STX8: variants seen among roughly 807,000 people sequenced by gnomAD.
The protein encoded by STX8 is syntaxin-8.
In STX8, 23 loss-of-function variants were observed where a neutral mutation model predicts 37.5. The observed-to-expected ratio is 0.61, with a 90% confidence interval of 0.44 to 0.87. The LOEUF (loss-of-function observed/expected upper bound fraction) is 0.87. Ranked by LOEUF, STX8 falls within the 40% of genes least tolerant of loss-of-function variation. The pLI, the probability that STX8 is intolerant of heterozygous loss-of-function variation, is 0.00. For synonymous variants in STX8, 115 were observed against 99.1 expected, an observed-to-expected ratio of 1.16 and a Z score of -0.95; for missense variants, 313 against 284.7, an observed-to-expected ratio of 1.10 and a Z score of -0.71.
intron 2 of STX8, among the ~76,000 whole-genome samples, chr17:9,567,551 G>C (rs932729725): frequency 1.3e-5 from 2 of 152,154 alleles, no homozygotes; most frequent in African/African-American, 4.8e-5. Context: ...AGGAAGAAAG[G>C]TGTGGTGTTA....
Position 9,491,928 on chromosome 17 carries a change from G to GA in STX8, c.449-8dup. On this transcript the variant is annotated splice_polypyrimidine_tract_variant and splice_region_variant and intron_variant, in intron 5 of 7. Coordinates refer to ENST00000306357, the MANE Select transcript of STX8 (RefSeq NM_004853.3). The stretch of plus-strand genomic sequence containing the variant: ...TCAAGGCCTGCGTCCTGTTCTGAAA[G>GA]AAAAAAGAAAAATAATTAACTAGAA... The GA allele has an allele frequency of 2.5e-6, 4 of 1,580,622 alleles. No homozygotes were observed. Among genetic ancestry groups the GA allele is most frequent in the East Asian group, 2.3e-5 (1 of 44,336 alleles).
At chr17:9,355,776 G>A (rs143749264) in intron 7 of STX8, among the ~76,000 whole-genome samples, 56 of 152,244 alleles carry the variant, frequency 3.7e-4, no homozygotes, top group African/African-American at 1.3e-3. Context: ...CCAAAGTGCT[G>A]GGATTACAGG....
rs8066281 is a variant in STX8, at chr17:9,385,109, G to C, written c.542-6456C>G. On this transcript the variant is annotated intron_variant, in intron 6 of 7. Coordinates refer to ENST00000306357, the MANE Select transcript of STX8 (RefSeq NM_004853.3). ...TAAAAAGACTATCCACAAAAGAAAA[G>C]AGATTGGTCAATCTGATTTAGCAAA... Among the ~76,000 whole-genome samples, 341 of 152,128 alleles carry C rather than the reference G, an allele frequency of 2.2e-3. 4 individuals carry two copies. The highest frequency in any genetic ancestry group is 7.4e-3 in the African/African-American group (308 of 41,510).
In STX8 at chr17:9,340,649, ATTTTTTTT is replaced by A. The variant is rs66679333; in HGVS notation, c.643+37895_643+37902del. ...CTGTTTCTTATCAATGTTGCACTTG[ATTTTTTTT>A]TTTTTTTTTTTTTTTTTGAGATGGA... On this transcript the variant is annotated intron_variant, in intron 7 of 7. Transcript: ENST00000306357. Among the ~76,000 whole-genome samples, 338 of 62,124 alleles carry A rather than the reference ATTTTTTTT, an allele frequency of 5.4e-3. 4 individuals are homozygous for A. Among genetic ancestry groups the A allele is most frequent in the Middle Eastern group, 0.054 (4 of 74 alleles). The allele number at this position is 62,124 out of a possible 152,430, so 40.8% of individuals were successfully genotyped here. A position where few individuals can be genotyped will look rare whatever the true frequency, so the allele number is the denominator to read the frequency against.
At chr17:9,474,950 C>T (rs12950118) in intron 6 of STX8, among the ~76,000 whole-genome samples, 31,711 of 151,936 alleles carry the variant, frequency 0.21, 3,475 homozygotes, top group Non-Finnish European at 0.25. Context: ...CCAGCCTGGG[C>T]GACAGAGCAA....
At chr17:9,544,124 A>G (rs1321138780) in intron 4 of STX8, among the ~76,000 whole-genome samples, 2 of 152,082 alleles carry the variant, frequency 1.3e-5, no homozygotes, top group Non-Finnish European at 2.9e-5. Context: ...GGGAAGCCAC[A>G]CTATTCCTAA....
In STX8 at chr17:9,575,788, T is replaced by TCAC. The variant is rs1165485784; in HGVS notation, c.17+1_17+3dup. 5.2e-6 allele frequency: 8 copies of TCAC among 1,543,434 alleles called. No homozygotes were observed. The highest frequency in any genetic ancestry group is 1.9e-4 in the Middle Eastern group (1 of 5,228). On this transcript the variant is annotated splice_donor_region_variant and intron_variant, in intron 1 of 7. Transcript: ENST00000306357. ...ACGCACCGCCGCCCTCACCCGGGAC[T>TCAC]CACCAGGGGTCCGGTGCCATCCTGC...
At chr17:9,539,933 G>C (rs1440365098) in intron 4 of STX8, among the ~76,000 whole-genome samples, 23 of 152,028 alleles carry the variant, frequency 1.5e-4, no homozygotes, top group Admixed American at 1.4e-3. Flanking sequence ...GGAGGGAAGG[G>C]GATACAATCG....
intron 6 of STX8, among the ~76,000 whole-genome samples, chr17:9,486,715 C>G (rs188821998): frequency 6.6e-6 from 1 of 151,794 alleles, no homozygotes; most frequent in African/African-American, 2.4e-5. Flanking sequence ...TAAAATTAGC[C>G]AGGTGCTATG....
intron 7 of STX8, among the ~76,000 whole-genome samples, chr17:9,312,067 G>A (rs74537944): frequency 0.099 from 15,070 of 151,800 alleles, 960 homozygotes; most frequent in Middle Eastern, 0.2. Context: ...AGGCTGGTCC[G>A]AACTCCTGAC....
At chr17:9,549,449 G>A (rs1030671391) in intron 3 of STX8, among the ~76,000 whole-genome samples, 2 of 152,192 alleles carry the variant, frequency 1.3e-5, no homozygotes, top group Non-Finnish European at 2.9e-5. Flanking sequence ...GGGTGAGCAT[G>A]GCTAAGTCAC....
intron 7 of STX8, among the ~76,000 whole-genome samples, chr17:9,314,228 T>C (rs1909299876): frequency 6.6e-6 from 1 of 152,220 alleles, no homozygotes; most frequent in Non-Finnish European, 1.5e-5. Flanking sequence ...TGATTTCCAA[T>C]GTCCGTGAGG....
intron 6 of STX8, among the ~76,000 whole-genome samples, chr17:9,484,486 G>C (rs188228200): frequency 1.0e-3 from 158 of 151,998 alleles, no homozygotes; most frequent in Non-Finnish European, 8.1e-4. Context: ...TTGGCAGGAG[G>C]GGGAAGGTAT....
chr17:9,555,306 G>A (rs137975954), intron 3 of STX8: 2 of 152,196 alleles, frequency 1.3e-5, no homozygotes, highest in African/African-American at 4.8e-5. Context: ...TATAACTGTG[G>A]TATTCTTAGT....
chr17:9,293,849 C>G (rs548193547), intron 7 of STX8, among the ~76,000 whole-genome samples: 15 of 151,934 alleles, frequency 9.9e-5, no homozygotes, highest in African/African-American at 2.9e-4. Context: ...GCAAGCTCCG[C>G]CTCCCGGGTT....
At chr17:9,570,999 G>A (rs1907668466) in intron 1 of STX8, among the ~76,000 whole-genome samples, 1 of 151,988 alleles carries the variant, frequency 6.6e-6, no homozygotes, top group Non-Finnish European at 1.5e-5. Context: ...GCTGCGTGGT[G>A]GCCCTGGAAG....
intron 6 of STX8, among the ~76,000 whole-genome samples, chr17:9,430,634 G>T (rs1226278596): frequency 6.8e-6 from 1 of 147,716 alleles, no homozygotes; most frequent in Non-Finnish European, 1.5e-5. Context: ...GGACAGTTGG[G>T]CTCAGTGGTT....
intron 4 of STX8, among the ~76,000 whole-genome samples, chr17:9,524,154 A>G (rs1905468291): frequency 6.6e-6 from 1 of 152,214 alleles, no homozygotes; most frequent in African/African-American, 2.4e-5. Context: ...TTACTGTTCT[A>G]AAAAGACAGG....
At position 9,440,476 on chromosome 17, in the gene STX8, G is replaced by A. The variant is rs79523926; in HGVS notation, c.541+51353C>T. Among the ~76,000 whole-genome samples the A allele has an allele frequency of 2.9e-4, 44 of 151,558 alleles. 1 individual carries two copies. In the East Asian group the frequency reaches 4.5e-3, roughly 15 times the overall value. On this transcript the variant is annotated intron_variant, in intron 6 of 7. Coordinates refer to ENST00000306357, the MANE Select transcript of STX8 (RefSeq NM_004853.3). ...GCAGTTATCTCCATTGGTCAATGACGTCCATGATGTTTCACATTATTGCCC... is the reference window on the plus strand; with the variant it reads ...GCAGTTATCTCCATTGGTCAATGACATCCATGATGTTTCACATTATTGCCC...
Sources: allele counts gnomAD v4.1 joint callset (sites outside exome capture counted in the v4.1 genomes callset), GRCh38; gene constraint gnomAD v4.1.1; transcripts MANE v1.5; gene names NCBI Gene and HGNC (gene_info 2026-07-23, HGNC 2026-07-21).